The following PDE10A variants were observed in gnomAD, a reference collection of about 807,000 sequenced individuals.
PDE10A encodes phosphodiesterase 10A, also known as cAMP and cAMP-inhibited cGMP 3',5'-cyclic phosphodiesterase 10A.
Under a neutral mutation model 97.7 loss-of-function variants are expected in PDE10A, and 39 were observed. That is an observed-to-expected ratio of 0.40 (90% confidence interval 0.31 to 0.52). The LOEUF (loss-of-function observed/expected upper bound fraction) is 0.52, where lower values mean the gene tolerates loss of function less well. Ranked by LOEUF, PDE10A falls within the 20% of genes least tolerant of loss-of-function variation. PDE10A has a pLI of 0.56. For missense variants in PDE10A, 731 were observed against 1,047.8 expected, an observed-to-expected ratio of 0.70 and a Z score of 4.17; for synonymous variants, 371 against 376.8, an observed-to-expected ratio of 0.98 and a Z score of 0.18.
chr6:165,441,138 G>C (rs866036879), intron 5 of PDE10A, among the ~76,000 whole-genome samples: 1 of 152,180 alleles, frequency 6.6e-6, no homozygotes, highest in African/African-American at 2.4e-5. Flanking sequence ...CTGCCCAAGA[G>C]ACATCCTTTA....
At chr6:165,503,470 A>G (rs1367188468) in intron 2 of PDE10A, among the ~76,000 whole-genome samples, 2 of 152,224 alleles carry the variant, frequency 1.3e-5, no homozygotes, top group African/African-American at 4.8e-5. Flanking sequence ...AGGAACAACA[A>G]GAGTCCATGC....
At chr6:165,515,087 C>A in intron 2 of PDE10A, among the ~76,000 whole-genome samples, 1 of 152,160 alleles carries the variant, frequency 6.6e-6, no homozygotes. Context: ...CGGATCAAAA[C>A]TATTTTCAGA....
In PDE10A at chr6:165,923,845, T is replaced by A. The variant is rs747984729; in HGVS notation, c.-615+63684A>T. Among the ~76,000 whole-genome samples, 56 of 152,152 alleles carry A rather than the reference T, an allele frequency of 3.7e-4. 1 individual carries two copies. Among genetic ancestry groups the A allele is most frequent in the Non-Finnish European group, 1.5e-4 (10 of 68,028 alleles). On this transcript the variant is annotated intron_variant, in intron 1 of 19. Transcript: ENST00000366882. ...GCCAATTCATTTTTCAGAGAAAATA[T>A]AAAATGCATTCTACCCTTGAAAGTG...
chr6:165,682,527 A>C (rs1791004304), intron 1 of PDE10A, among the ~76,000 whole-genome samples: 1 of 152,128 alleles, frequency 6.6e-6, no homozygotes, highest in African/African-American at 2.4e-5. Flanking sequence ...TGGAGCCCTC[A>C]TAAATGGGAT....
At chr6:165,953,706 T>C (rs1021141688) in intron 1 of PDE10A, among the ~76,000 whole-genome samples, 4 of 152,238 alleles carry the variant, frequency 2.6e-5, no homozygotes, top group Non-Finnish European at 4.4e-5. Context: ...CGTCTTGCAC[T>C]AGTGTGGCAT....
intron 2 of PDE10A, among the ~76,000 whole-genome samples, chr6:165,489,364 G>A (rs749746849): frequency 5.3e-5 from 8 of 152,194 alleles, no homozygotes; most frequent in African/African-American, 9.6e-5. Context: ...GTTGCAGTTC[G>A]ACTCTCAGGA....
At chr6:165,969,924 T>C (rs1196943066) in intron 1 of PDE10A, among the ~76,000 whole-genome samples, 1 of 152,224 alleles carries the variant, frequency 6.6e-6, no homozygotes, top group Non-Finnish European at 1.5e-5. Flanking sequence ...GAGTAGCTAC[T>C]CCCAAATTCC....
chr6:165,900,071 C>T (rs1346205350), intron 1 of PDE10A, among the ~76,000 whole-genome samples: 1 of 152,204 alleles, frequency 6.6e-6, no homozygotes, highest in East Asian at 1.9e-4. Context: ...TGGTGCCCTG[C>T]AGCCCCTTGC....
Position 165,657,496 on chromosome 6 carries a change from T to C in PDE10A, c.865+4451A>G, listed in dbSNP as rs977669510. ...TTTCGAAACAAACAAAAATTAACAA[T>C]GTATTCGTTGGTGAAATGTGCACCG... On this transcript the variant is annotated intron_variant, in intron 1 of 21. Transcript: ENST00000539869. Among the ~76,000 whole-genome samples the C allele has an allele frequency of 5.3e-4, 81 of 152,268 alleles. 4 individuals carry two copies.
Position 165,339,258 on chromosome 6 carries a change from T to C in PDE10A, c.2976+20A>G, listed in dbSNP as rs1781832788. On this transcript the variant is annotated intron_variant, in intron 20 of 21. Coordinates refer to ENST00000539869, the MANE Select transcript of PDE10A (RefSeq NM_001385079.1). ...AACTATTTGGCTTTAGCAATTACAA[T>C]TTACTTTAATAATTCATACCTGGCC... 5 of 1,435,802 alleles carry C rather than the reference T, an allele frequency of 3.5e-6. No homozygotes were observed. The highest frequency in any genetic ancestry group is 2.3e-5 in the East Asian group (1 of 44,042). The allele number at this position is 1,435,802 out of a possible 1,614,324, so 88.9% of individuals were successfully genotyped here.
chr6:165,516,121 C>T (rs969320778), intron 2 of PDE10A, among the ~76,000 whole-genome samples: 2 of 152,184 alleles, frequency 1.3e-5, no homozygotes, highest in African/African-American at 4.8e-5. Context: ...TTCCTCCTAT[C>T]TAAGGCCAGC....
chr6:165,646,385 C>G (rs1789399335), intron 1 of PDE10A, among the ~76,000 whole-genome samples: 1 of 152,166 alleles, frequency 6.6e-6, no homozygotes, highest in Admixed American at 6.5e-5. Context: ...CTAAAACAAG[C>G]CTGCAATTTC....
intron 1 of PDE10A, among the ~76,000 whole-genome samples, chr6:165,972,677 A>G (rs1312927584): frequency 7.9e-5 from 12 of 152,104 alleles, no homozygotes; most frequent in Admixed American, 7.9e-4. Flanking sequence ...TCAGTGAACA[A>G]AGGAGGCTGA....
chr6:165,683,801 C>T (rs1791042824), intron 1 of PDE10A, among the ~76,000 whole-genome samples: 1 of 152,156 alleles, frequency 6.6e-6, no homozygotes, highest in Non-Finnish European at 1.5e-5. Flanking sequence ...GAAAATGTCA[C>T]TCATCAAGCT....
intron 1 of PDE10A, among the ~76,000 whole-genome samples, chr6:165,986,920 G>T (rs1427459706): frequency 1.3e-5 from 2 of 152,170 alleles, no homozygotes; most frequent in African/African-American, 4.8e-5. Flanking sequence ...TGGGGACTCC[G>T]GACCCCCTCC....
chr6:165,780,403 G>T (rs1778311291), intron 1 of PDE10A: 3 of 152,194 alleles, frequency 2.0e-5, no homozygotes, highest in Admixed American at 2.0e-4. Context: ...TGATTAATTT[G>T]TAAATGCTCT....
At chr6:165,651,018 G>A (rs548669319) in intron 1 of PDE10A, among the ~76,000 whole-genome samples, 2 of 152,342 alleles carry the variant, frequency 1.3e-5, no homozygotes, top group Admixed American at 6.5e-5. Context: ...TTATAGGCGT[G>A]AGCCACCACG....
At chr6:165,573,453 AG>A (rs1785150455) in intron 1 of PDE10A, among the ~76,000 whole-genome samples, 1 of 152,164 alleles carries the variant, frequency 6.6e-6, no homozygotes, top group Non-Finnish European at 1.5e-5. Context: ...AAATGACCCT[AG>A]TCTACATTTA....
At chr6:165,456,563 G>C (rs575156282) in intron 3 of PDE10A, among the ~76,000 whole-genome samples, 22 of 152,278 alleles carry the variant, frequency 1.4e-4, no homozygotes, top group African/African-American at 4.3e-4. Context: ...TTACAAATAA[G>C]TGAGAACAAG....
Sources: gnomAD v4.1 joint callset for allele counts (sites outside exome capture counted in the v4.1 genomes callset) on GRCh38, gnomAD v4.1.1 for gene constraint, MANE v1.5 for transcripts, NCBI Gene and HGNC (gene_info 2026-07-23, HGNC 2026-07-21) for gene names.